PHKB: variants seen among roughly 807,000 people sequenced by gnomAD.
PHKB encodes the protein phosphorylase kinase regulatory subunit beta.
Under a neutral mutation model 152.1 loss-of-function variants are expected in PHKB, and 122 were observed. That is an observed-to-expected ratio of 0.80 (90% CI 0.69 to 0.93). PHKB has a LOEUF of 0.93. Ranked by LOEUF, PHKB falls within the 40% of genes least tolerant of loss-of-function variation. The pLI is 0.00. For missense variants in PHKB, 1,304 were observed against 1,328.4 expected, an observed-to-expected ratio of 0.98 and a Z score of 0.29; for synonymous variants, 436 against 464.9, an observed-to-expected ratio of 0.94 and a Z score of 0.80.
At chr16:47,659,117 A>T (rs1973392364) in intron 20 of PHKB, among the ~76,000 whole-genome samples, 1 of 152,234 alleles carries the variant, frequency 6.6e-6, no homozygotes, top group Non-Finnish European at 1.5e-5. Context: ...ACCTGACTAT[A>T]GCCAGGCTAG....
intron 14 of PHKB, among the ~76,000 whole-genome samples, chr16:47,628,074 A>G (rs879334725): frequency 6.6e-6 from 1 of 152,186 alleles, no homozygotes; most frequent in Admixed American, 6.5e-5. Flanking sequence ...GAGGCATAGA[A>G]TGTTTCAAAT....
At chr16:47,686,636 A>T (rs1214138436) in intron 26 of PHKB, among the ~76,000 whole-genome samples, 4 of 152,196 alleles carry the variant, frequency 2.6e-5, no homozygotes, top group Non-Finnish European at 5.9e-5. Flanking sequence ...TTTGCTTTTC[A>T]TTATGAAGAA....
At chr16:47,599,571 A>G (rs1053205424) in intron 13 of PHKB, among the ~76,000 whole-genome samples, 4 of 152,238 alleles carry the variant, frequency 2.6e-5, no homozygotes, top group African/African-American at 9.6e-5. Flanking sequence ...ATTTTCTCAT[A>G]TTAAGACCAG....
intron 6 of PHKB, among the ~76,000 whole-genome samples, chr16:47,539,680 C>T (rs548179145): frequency 2.0e-5 from 3 of 152,098 alleles, no homozygotes; most frequent in South Asian, 4.2e-4. Context: ...TCAGGGACCC[C>T]GAACGGAGGG....
intron 13 of PHKB, 133 bp downstream of exon 13, chr16:47,596,664 T>C: frequency 1.3e-6 from 1 of 753,190 alleles, no homozygotes; most frequent in Non-Finnish European, 2.3e-6. Flanking sequence ...GGGAGTTTCC[T>C]AGTATCTAGT....
At chr16:47,490,355 G>A (rs1195608192) in intron 1 of PHKB, among the ~76,000 whole-genome samples, 1 of 152,214 alleles carries the variant, frequency 6.6e-6, no homozygotes, top group Admixed American at 6.5e-5. Context: ...AATTGACAAA[G>A]AAGTTTGGTG....
intron 4 of PHKB, among the ~76,000 whole-genome samples, chr16:47,506,040 A>G (rs562516120): frequency 3.4e-5 from 5 of 148,924 alleles, no homozygotes; most frequent in South Asian, 4.2e-4. Flanking sequence ...AAAAAAAAAA[A>G]AAAAAGAAAA....
intron 5 of PHKB, 137 bp from the exon 6 acceptor site, chr16:47,515,384 C>T (rs1026201765): frequency 9.1e-6 from 6 of 662,936 alleles, no homozygotes; most frequent in Non-Finnish European, 1.6e-5. Flanking sequence ...TTCACAACAC[C>T]TTTATTCACA....
At chr16:47,479,950 C>T (rs553178942) in intron 1 of PHKB, among the ~76,000 whole-genome samples, 19 of 152,292 alleles carry the variant, frequency 1.2e-4, no homozygotes, top group Non-Finnish European at 2.4e-4. Context: ...TCCTTTTACT[C>T]ATCTGAACCC....
intron 12 of PHKB, 37 bp from the exon 13 acceptor site, chr16:47,596,336 T>G (rs1385573178): frequency 7.2e-7 from 1 of 1,397,346 alleles, no homozygotes; most frequent in South Asian, 1.2e-5. Context: ...TAATACAGAT[T>G]TGTTATATTT....
At chr16:47,596,569 G>C (rs565212463) in intron 13 of PHKB, 38 bp downstream of exon 13, 12 of 1,583,810 alleles carry the variant, frequency 7.6e-6, no homozygotes, top group Middle Eastern at 1.7e-4. Flanking sequence ...TTTTTTCCTT[G>C]TTATTAAGCT....
At chr16:47,478,112 G>A (rs753249034) in intron 1 of PHKB, among the ~76,000 whole-genome samples, 5 of 152,042 alleles carry the variant, frequency 3.3e-5, no homozygotes, top group Non-Finnish European at 5.9e-5. Flanking sequence ...GCTAAATAAT[G>A]CACTAGAGAA....
chr16:47,583,720 C>A (rs984006336), intron 8 of PHKB, among the ~76,000 whole-genome samples: 1 of 152,240 alleles, frequency 6.6e-6, no homozygotes, highest in East Asian at 1.9e-4. Context: ...ACCAATGCCA[C>A]TCCATAATGA....
In PHKB at chr16:47,593,994, AT is replaced by A. The variant is rs1034975844; in HGVS notation, c.1127-135del. 156 of 609,526 alleles carry A rather than the reference AT, an allele frequency of 2.6e-4. 1 individual carries two copies. The highest frequency in any genetic ancestry group is 8.8e-4 in the Middle Eastern group (2 of 2,272). 37.8% of individuals were successfully genotyped at this position (609,526 alleles called of 1,614,324 possible). A position where few individuals can be genotyped will look rare whatever the true frequency, so the allele number is the denominator to read the frequency against. ...TTGGAAAAATATCACACAGATTTGCATTTTTTTTCCACTTTAATTTTACCAT... is the reference window on the plus strand; with the variant it reads ...TTGGAAAAATATCACACAGATTTGCATTTTTTTCCACTTTAATTTTACCAT... On this transcript the variant is annotated intron_variant, in intron 11 of 30. Coordinates refer to ENST00000323584, the MANE Select transcript of PHKB (RefSeq NM_000293.3).
chr16:47,613,389 A>G (rs1398755738), intron 14 of PHKB, among the ~76,000 whole-genome samples: 1 of 152,144 alleles, frequency 6.6e-6, no homozygotes, highest in East Asian at 1.9e-4. Flanking sequence ...AGCTTGCTCA[A>G]GCTTCATTGT....
At chr16:47,689,595 A>G (rs1054993102) in intron 27 of PHKB, among the ~76,000 whole-genome samples, 2 of 152,216 alleles carry the variant, frequency 1.3e-5, no homozygotes, top group African/African-American at 2.4e-5. Flanking sequence ...ATAGACTTCA[A>G]TGCTAAACCC....
At chr16:47,628,055 C>A (rs1972742641) in intron 14 of PHKB, among the ~76,000 whole-genome samples, 1 of 152,112 alleles carries the variant, frequency 6.6e-6, no homozygotes, top group African/African-American at 2.4e-5. Context: ...CTGTAAGGCC[C>A]CCAAAGCAGA....
chr16:47,505,174 C>T (rs943471985), intron 4 of PHKB, among the ~76,000 whole-genome samples: 7 of 152,200 alleles, frequency 4.6e-5, no homozygotes, highest in Non-Finnish European at 1.0e-4. Context: ...GGATCTCCAC[C>T]TACTCTCACA....
rs778126514 is a variant in PHKB, at chr16:47,461,441, G to T, written c.76+15G>T. 5 of 1,612,542 alleles carry T rather than the reference G, an allele frequency of 3.1e-6. No homozygotes were observed. Among genetic ancestry groups the T allele is most frequent in the Non-Finnish European group, 4.2e-6 (5 of 1,179,494 alleles). On this transcript the variant is annotated intron_variant, in intron 1 of 30. Transcript: ENST00000323584. Reference sequence around the variant, plus strand: ...CAAGCGCTCAGGTTTGGCTGGCTGGGGCGCCGCCCCCCACCCGAGTACCTT... The same window carrying T: ...CAAGCGCTCAGGTTTGGCTGGCTGGTGCGCCGCCCCCCACCCGAGTACCTT...
Sources: allele counts gnomAD v4.1 joint callset (sites outside exome capture counted in the v4.1 genomes callset), GRCh38; gene constraint gnomAD v4.1.1; transcripts MANE v1.5; gene names NCBI Gene and HGNC (gene_info 2026-07-23, HGNC 2026-07-21).